CDH13: variants seen among roughly 807,000 people sequenced by gnomAD.
CDH13 encodes the protein cadherin-13.
Under a neutral mutation model 63.8 loss-of-function variants are expected in CDH13, and 24 were observed. The ratio of observed to expected loss-of-function variants is 0.38; its 90% CI spans 0.27 to 0.53. The LOEUF (loss-of-function observed/expected upper bound fraction) is 0.53. Ranked by LOEUF, CDH13 falls within the 20% of genes least tolerant of loss-of-function variation. The pLI is 0.85. For missense variants in CDH13, 1,049 were observed against 903.1 expected, an observed-to-expected ratio of 1.16 and a Z score of -2.07; for synonymous variants, 503 against 355.3, an observed-to-expected ratio of 1.42 and a Z score of -4.67.
intron 10 of CDH13, among the ~76,000 whole-genome samples, chr16:83,703,197 C>T (rs571501522): frequency 1.4e-4 from 22 of 152,274 alleles, no homozygotes; most frequent in African/African-American, 4.1e-4. Context: ...CTAAAAGACA[C>T]GCTGCAGTAT....
At chr16:82,975,473 C>T (rs970347174) in intron 2 of CDH13, among the ~76,000 whole-genome samples, 3 of 152,216 alleles carry the variant, frequency 2.0e-5, no homozygotes, top group Admixed American at 6.5e-5. Context: ...TGGCATCCTT[C>T]TCCCTGTGAC....
At position 83,573,110 on chromosome 16, in the gene CDH13, G is replaced by A. The variant is rs62040175; in HGVS notation, c.961-29344G>A. On this transcript the variant is annotated intron_variant, in intron 7 of 13. Coordinates refer to ENST00000567109, the MANE Select transcript of CDH13 (RefSeq NM_001257.5). ...TATTGGTTTTATGACTGTGCACAAT[G>A]CAGTAACACATTGCTGAGCTGCCAA... is the stretch of plus-strand genomic sequence containing the variant. Among the ~76,000 whole-genome samples, 150 of 152,254 alleles carry A rather than the reference G, an allele frequency of 9.9e-4. 1 individual carries two copies. Among genetic ancestry groups the A allele is most frequent in the Middle Eastern group, 6.8e-3 (2 of 294 alleles).
chr16:83,182,086 A>G (rs577614489), intron 4 of CDH13, among the ~76,000 whole-genome samples: 7 of 152,348 alleles, frequency 4.6e-5, no homozygotes, highest in Admixed American at 3.9e-4. Flanking sequence ...TAATTGCTCA[A>G]TAAATACCAG....
chr16:83,767,294 G>A lies in CDH13; in HGVS notation c.1682-12674G>A, dbSNP rs141131788. ...ATAATCCCCAAGTGTCGAGGGTGGG[G>A]CCATCTAGAGTAATGGAATCATGGG... On this transcript the variant is annotated intron_variant, in intron 11 of 13. Coordinates refer to ENST00000567109, the MANE Select transcript of CDH13 (RefSeq NM_001257.5). Among the ~76,000 whole-genome samples, 377 of 151,904 alleles carry A rather than the reference G, an allele frequency of 2.5e-3. 2 individuals are homozygous for A. Among genetic ancestry groups the A allele is most frequent in the Middle Eastern group, 0.01 (3 of 286 alleles).
At chr16:83,010,858 C>T (rs1226232965) in intron 2 of CDH13, among the ~76,000 whole-genome samples, 1 of 152,194 alleles carries the variant, frequency 6.6e-6, no homozygotes, top group Non-Finnish European at 1.5e-5. Context: ...TAGCAAACAG[C>T]TCTTTGGTTC....
intron 2 of CDH13, among the ~76,000 whole-genome samples, chr16:82,998,650 A>G (rs995931943): frequency 4.6e-5 from 7 of 152,180 alleles, no homozygotes; most frequent in Admixed American, 2.0e-4. Context: ...CTCCTCTGCT[A>G]TGAATTAGCA....
At chr16:83,444,757 G>A (rs2072617996) in intron 6 of CDH13, among the ~76,000 whole-genome samples, 1 of 6,802 alleles carries the variant, frequency 1.5e-4, no homozygotes, top group Non-Finnish European at 3.6e-4. Context: ...ATCTCTGACT[G>A]CCGAGTTAAT....
intron 11 of CDH13, among the ~76,000 whole-genome samples, chr16:83,776,891 A>C (rs958012466): frequency 6.6e-6 from 1 of 152,168 alleles, no homozygotes; most frequent in Non-Finnish European, 1.5e-5. Flanking sequence ...TTGTTAGAGA[A>C]GTTTCAAAGC....
chr16:83,113,765 A>C (rs556593810), intron 3 of CDH13, among the ~76,000 whole-genome samples: 20 of 152,306 alleles, frequency 1.3e-4, no homozygotes, highest in Non-Finnish European at 2.8e-4. Context: ...GGAAGTCACA[A>C]GGTGAGAAGC....
At chr16:83,099,490 A>G (rs1024716192) in intron 3 of CDH13, among the ~76,000 whole-genome samples, 5 of 151,272 alleles carry the variant, frequency 3.3e-5, no homozygotes, top group African/African-American at 1.2e-4. Flanking sequence ...TGCCTGGCTA[A>G]TTTTTGCATT....
chr16:82,746,016 C>G (rs1410283082), intron 1 of CDH13, among the ~76,000 whole-genome samples: 1 of 152,064 alleles, frequency 6.6e-6, no homozygotes, highest in Non-Finnish European at 1.5e-5. Context: ...TTTAATTACA[C>G]TGTCTTCATC....
chr16:83,165,304 C>CAT (rs1225583617), intron 4 of CDH13, among the ~76,000 whole-genome samples: 2 of 152,056 alleles, frequency 1.3e-5, no homozygotes, highest in Non-Finnish European at 2.9e-5. Flanking sequence ...ATGCCCACCC[C>CAT]TGCCTGTCTT....
intron 7 of CDH13, among the ~76,000 whole-genome samples, chr16:83,528,796 T>C (rs994591226): frequency 6.6e-6 from 1 of 152,246 alleles, no homozygotes; most frequent in South Asian, 2.1e-4. Flanking sequence ...ATGTCTCGTT[T>C]AGCATTGGTT....
rs146650242 is a variant in CDH13, at chr16:83,417,926, C to T, written c.782-68551C>T. ...AGAGAAATCATAACTGTTTTCCCCT[C>T]CCCAGCCTAGCATCCTCCCCACCCC... On this transcript the variant is annotated intron_variant, in intron 6 of 13. Coordinates refer to ENST00000567109, the MANE Select transcript of CDH13 (RefSeq NM_001257.5). Among the ~76,000 whole-genome samples, 768 of 152,134 alleles carry T rather than the reference C, an allele frequency of 5.0e-3. 7 individuals are homozygous for T. The highest frequency in any genetic ancestry group is 7.0e-3 in the Non-Finnish European group (475 of 67,988).
At chr16:83,361,209 T>C (rs1186905295) in intron 6 of CDH13, among the ~76,000 whole-genome samples, 1 of 152,208 alleles carries the variant, frequency 6.6e-6, no homozygotes, top group African/African-American at 2.4e-5. Context: ...TTTCATATGT[T>C]TTTTGGATAC....
intron 4 of CDH13, among the ~76,000 whole-genome samples, chr16:83,189,791 C>T (rs1272547952): frequency 1.3e-5 from 2 of 152,196 alleles, no homozygotes; most frequent in Non-Finnish European, 2.9e-5. Context: ...TAATTCTAAC[C>T]TTGAATTGTA....
At chr16:83,716,520 G>A (rs1290879525) in intron 10 of CDH13, among the ~76,000 whole-genome samples, 1 of 152,070 alleles carries the variant, frequency 6.6e-6, no homozygotes, top group African/African-American at 2.4e-5. Flanking sequence ...GTCTTGCTCT[G>A]TCACCCAGGC....
intron 2 of CDH13, among the ~76,000 whole-genome samples, chr16:82,957,610 C>A (rs1906314528): frequency 6.6e-6 from 1 of 152,170 alleles, no homozygotes; most frequent in Non-Finnish European, 1.5e-5. Context: ...ACATGCAGGG[C>A]AGTATACTTT....
intron 7 of CDH13, among the ~76,000 whole-genome samples, chr16:83,509,785 G>A (rs976553896): frequency 2.0e-5 from 3 of 152,134 alleles, no homozygotes; most frequent in South Asian, 4.1e-4. Flanking sequence ...CAAGCATTGG[G>A]CTAAATATTT....
Sources: allele counts gnomAD v4.1 joint callset (sites outside exome capture counted in the v4.1 genomes callset), GRCh38; gene constraint gnomAD v4.1.1; transcripts MANE v1.5; gene names NCBI Gene and HGNC (gene_info 2026-07-23, HGNC 2026-07-21).